The following RNF169 variants were observed in gnomAD, a reference collection of about 807,000 sequenced individuals.
RNF169 encodes the protein E3 ubiquitin-protein ligase RNF169.
A neutral mutation model predicts 53.9 loss-of-function variants in RNF169; 24 were observed. That is an observed-to-expected ratio of 0.45 (90% CI 0.32 to 0.63). The LOEUF (loss-of-function observed/expected upper bound fraction) is 0.63, where lower values mean the gene tolerates loss of function less well. Among genes scored for constraint, RNF169 ranks in the 20% least tolerant of loss-of-function variants. RNF169 has a pLI of 0.04. For missense variants in RNF169, 883 were observed against 906.2 expected (o/e 0.97, Z 0.33); for synonymous variants, 396 against 363.5 (o/e 1.09, Z -1.02).
At chr11:74,832,910 T>C (rs2036201215) in intron 4 of RNF169, among the ~76,000 whole-genome samples, 1 of 152,202 alleles carries the variant, frequency 6.6e-6, no homozygotes, top group African/African-American at 2.4e-5. Flanking sequence ...TTTTTAAAAG[T>C]AAACTACCAA....
chr11:74,779,722 C>G (rs1046891356), intron 1 of RNF169, among the ~76,000 whole-genome samples: 15 of 152,154 alleles, frequency 9.9e-5, no homozygotes, highest in Non-Finnish European at 2.1e-4. Context: ...TTGTGGTTCA[C>G]TCCTGTATTT....
intron 2 of RNF169, among the ~76,000 whole-genome samples, chr11:74,800,228 G>A (rs938903364): frequency 6.6e-6 from 1 of 152,014 alleles, no homozygotes; most frequent in Admixed American, 6.6e-5. Context: ...AGTGATGATT[G>A]TTCCTCTAAA....
At chr11:74,800,791 T>C (rs2035718038) in intron 2 of RNF169, among the ~76,000 whole-genome samples, 1 of 152,198 alleles carries the variant, frequency 6.6e-6, no homozygotes, top group Non-Finnish European at 1.5e-5. Flanking sequence ...GGTGTGTCTT[T>C]GTCTTTTTAC....
In RNF169 at chr11:74,838,316, A is replaced by G. The variant is rs1222050920; in HGVS notation, c.*1586A>G. The G allele has an allele frequency of 6.6e-6, 1 of 152,140 alleles. No homozygotes were observed. Among genetic ancestry groups the G allele is most frequent in the African/African-American group, 2.4e-5 (1 of 41,428 alleles). 9.4% of individuals were successfully genotyped at this position (152,140 alleles called of 1,614,324 possible). ...TCAGATTTGCCTTTTCTCAGGGCAA[A>G]TCTTCAGTGTTTTGTGGTTATTTGT... On this transcript the variant is annotated 3_prime_UTR_variant, in exon 6 of 6. Coordinates refer to ENST00000299563, the MANE Select transcript of RNF169 (RefSeq NM_001098638.2).
At chr11:74,789,046 GT>G (rs982918693) in intron 1 of RNF169, among the ~76,000 whole-genome samples, 1 of 152,124 alleles carries the variant, frequency 6.6e-6, no homozygotes, top group African/African-American at 2.4e-5. Context: ...TTTTCTTATT[GT>G]AAAATGGGCA....
chr11:74,755,573 A>G (rs1289787931), intron 1 of RNF169, among the ~76,000 whole-genome samples: 1 of 152,256 alleles, frequency 6.6e-6, no homozygotes, highest in Non-Finnish European at 1.5e-5. Flanking sequence ...GGGGAAACAC[A>G]TACTCAAATA....
chr11:74,807,969 A>C (rs1230822647), intron 2 of RNF169: 1 of 152,202 alleles, frequency 6.6e-6, no homozygotes, highest in African/African-American at 2.4e-5. Flanking sequence ...CACTTTTGTA[A>C]ATTTTTAGCT....
chr11:74,764,070 T>C (rs1377539013), intron 1 of RNF169, among the ~76,000 whole-genome samples: 1 of 152,186 alleles, frequency 6.6e-6, no homozygotes, highest in Non-Finnish European at 1.5e-5. Flanking sequence ...CACATTGCAG[T>C]GGAACTTCAG....
At chr11:74,777,059 A>G (rs1175322375) in intron 1 of RNF169, among the ~76,000 whole-genome samples, 1 of 152,216 alleles carries the variant, frequency 6.6e-6, no homozygotes, top group Non-Finnish European at 1.5e-5. Flanking sequence ...GACAGAGTCT[A>G]AGAGACAGGG....
chr11:74,829,761 CAT>C (rs2036150920), intron 4 of RNF169, among the ~76,000 whole-genome samples: 1 of 152,166 alleles, frequency 6.6e-6, no homozygotes, highest in African/African-American at 2.4e-5. Context: ...CCAAACATCA[CAT>C]ATTCTCATTT....
chr11:74,768,928 A>G (rs2035217507), intron 1 of RNF169, among the ~76,000 whole-genome samples: 1 of 151,634 alleles, frequency 6.6e-6, no homozygotes, highest in Non-Finnish European at 1.5e-5. Context: ...GTGCCTGTAG[A>G]CCCAGCTATT....
intron 1 of RNF169, among the ~76,000 whole-genome samples, chr11:74,774,512 T>A (rs921259741): frequency 2.7e-4 from 41 of 152,206 alleles, no homozygotes; most frequent in African/African-American, 9.9e-4. Context: ...CAGATTCAAC[T>A]TACCCATTGA....
intron 1 of RNF169, among the ~76,000 whole-genome samples, chr11:74,749,874 G>A (rs1204069399): frequency 6.6e-6 from 1 of 152,104 alleles, no homozygotes; most frequent in Non-Finnish European, 1.5e-5. Flanking sequence ...GAGCAGAGGG[G>A]GTTGGGAGCA....
At chr11:74,833,683 A>G (rs559045768) in intron 4 of RNF169, among the ~76,000 whole-genome samples, 2 of 152,316 alleles carry the variant, frequency 1.3e-5, no homozygotes, top group African/African-American at 2.4e-5. Context: ...AGTGTCTGGC[A>G]TACATATAGT....
chr11:74,753,897 TATTTA>T (rs2135301673), intron 1 of RNF169, among the ~76,000 whole-genome samples: 1 of 152,326 alleles, frequency 6.6e-6, no homozygotes, highest in South Asian at 2.1e-4. Context: ...GTACATGTTT[TATTTA>T]ATTCTTTTAT....
At chr11:74,749,428 G>A in intron 1 of RNF169, 46 bp downstream of exon 1, 1 of 1,219,048 alleles carries the variant, frequency 8.2e-7, no homozygotes, top group Non-Finnish European at 1.0e-6. Flanking sequence ...GAGGCCGAGC[G>A]CGCCCCGGCC....
chr11:74,758,756 GGCCTCCCAAA>G (rs1343326694), intron 1 of RNF169, among the ~76,000 whole-genome samples: 1 of 152,116 alleles, frequency 6.6e-6, no homozygotes, highest in Non-Finnish European at 1.5e-5. Context: ...CGCCCACCTT[GGCCTCCCAAA>G]GTGCTGGGAT....
At chr11:74,762,891 A>T (rs2135314633) in intron 1 of RNF169, among the ~76,000 whole-genome samples, 1 of 152,326 alleles carries the variant, frequency 6.6e-6, no homozygotes, top group Non-Finnish European at 1.5e-5. Context: ...AGGAGTGTAG[A>T]GATGGGTTAT....
At position 74,829,787 on chromosome 11, in the gene RNF169, C is replaced by T. The variant is rs2036151184; in HGVS notation, c.843-4889C>T. The stretch of plus-strand genomic sequence containing the variant: ...ATATTCTCATTTATAAAGTGGGAGC[C>T]GAATGATGAGAACTCATGGACACAT... On this transcript the variant is annotated intron_variant, in intron 4 of 5. Coordinates refer to ENST00000299563, the MANE Select transcript of RNF169 (RefSeq NM_001098638.2). Among the ~76,000 whole-genome samples, 3 of 151,896 alleles carry T rather than the reference C, an allele frequency of 2.0e-5. No individual in the cohort carries two copies. The South Asian group carries it at 6.3e-4, about 32-fold the overall frequency.
Sources: gnomAD v4.1 joint callset for allele counts (sites outside exome capture counted in the v4.1 genomes callset) on GRCh38, gnomAD v4.1.1 for gene constraint, MANE v1.5 for transcripts, NCBI Gene and HGNC (gene_info 2026-07-23, HGNC 2026-07-21) for gene names.